Variants in INTS9 observed in about 807,000 individuals in gnomAD.
INTS9 encodes protein related to CPSF subunits of 74 kDa.
A neutral mutation model predicts 79.7 loss-of-function variants in INTS9; 55 were observed. That is an observed-to-expected ratio of 0.69 (90% CI 0.56 to 0.86). The LOEUF is 0.86. Among genes scored for constraint, INTS9 ranks in the 40% least tolerant of loss-of-function variants. The pLI is 0.00. For synonymous variants in INTS9, 319 were observed against 325.2 expected, an observed-to-expected ratio of 0.98 and a Z score of 0.20; for missense variants, 721 against 831.5, an observed-to-expected ratio of 0.87 and a Z score of 1.64.
chr8:28,784,631 C>T (rs529195780), intron 11 of INTS9, among the ~76,000 whole-genome samples: 1 of 152,312 alleles, frequency 6.6e-6, no homozygotes, highest in East Asian at 1.9e-4. Flanking sequence ...AACAAAACAA[C>T]TAAATCCCTA....
chr8:28,872,381 T>G (rs1809143633), intron 1 of INTS9, among the ~76,000 whole-genome samples: 1 of 152,160 alleles, frequency 6.6e-6, no homozygotes, highest in Non-Finnish European at 1.5e-5. Flanking sequence ...TACATAAATG[T>G]TCCAAATGAA....
intron 6 of INTS9, among the ~76,000 whole-genome samples, chr8:28,833,599 G>A (rs1471510054): frequency 4.1e-5 from 6 of 147,796 alleles, no homozygotes; most frequent in African/African-American, 1.5e-4. Context: ...CAGCCTGGGC[G>A]ACAGAGTTAG....
intron 13 of INTS9, among the ~76,000 whole-genome samples, chr8:28,777,089 G>A (rs1802932775): frequency 1.3e-5 from 2 of 152,066 alleles, no homozygotes; most frequent in African/African-American, 4.8e-5. Flanking sequence ...TCTGTTTCCT[G>A]TTCCCCTGCC....
At chr8:28,853,283 T>C (rs1489653966) in intron 2 of INTS9, among the ~76,000 whole-genome samples, 1 of 151,792 alleles carries the variant, frequency 6.6e-6, no homozygotes, top group African/African-American at 2.4e-5. Flanking sequence ...TATGGTGGTG[T>C]GTGCCTATAA....
At chr8:28,822,751 T>C (rs545879475) in intron 6 of INTS9, among the ~76,000 whole-genome samples, 16 of 152,224 alleles carry the variant, frequency 1.1e-4, no homozygotes, top group African/African-American at 1.4e-4. Context: ...GAAGGAAATA[T>C]AATGTTTTCA....
rs753034116 is a variant in INTS9 at position 28,775,914 on chromosome 8, C to G, written c.1408G>C (p.Val470Leu). ...LLKEVQPLHV[V>L]CPEQYTQPPP... ...GGCTGAGTGTACTGCTCAGGACACACCACGTGCAGGGGCTGAGGAACCAAT... is the reference window on the plus strand; with the variant it reads ...GGCTGAGTGTACTGCTCAGGACACAGCACGTGCAGGGGCTGAGGAACCAAT... Residue 470 changes from valine to leucine, a missense_variant, in exon 14 of 17, where the codon GTG becomes CTG. Coordinates refer to ENST00000521022, the MANE Select transcript of INTS9 (RefSeq NM_018250.4). 2 of 1,565,964 alleles carry G rather than the reference C, an allele frequency of 1.3e-6. No individual in the cohort carries two copies. The highest frequency in any genetic ancestry group is 1.7e-6 in the Non-Finnish European group (2 of 1,155,756).
chr8:28,887,426 A>T (rs1563323366), intron 1 of INTS9, among the ~76,000 whole-genome samples: 1 of 152,206 alleles, frequency 6.6e-6, no homozygotes, highest in Non-Finnish European at 1.5e-5. Flanking sequence ...GAGAAATAGA[A>T]CCTATTTAAG....
At chr8:28,869,030 G>A (rs1808924810) in intron 1 of INTS9, among the ~76,000 whole-genome samples, 1 of 151,870 alleles carries the variant, frequency 6.6e-6, no homozygotes, top group Admixed American at 6.6e-5. Flanking sequence ...GGAGGCAGAG[G>A]TTGCAGTGAG....
intron 6 of INTS9, among the ~76,000 whole-genome samples, chr8:28,834,224 CCTGGGTTTCAGCAGTCA>C (rs1436251470): frequency 2.6e-5 from 4 of 152,182 alleles, no homozygotes; most frequent in South Asian, 4.1e-4. Flanking sequence ...TGTCATCTCC[CCTGGGTTTCAGCAGTCA>C]CACTGCTGGT....
chr8:28,881,949 A>C (rs1809858182), intron 1 of INTS9, among the ~76,000 whole-genome samples: 1 of 145,802 alleles, frequency 6.9e-6, no homozygotes, highest in South Asian at 2.2e-4. Context: ...CCCGTCTGGG[A>C]GGTGTGCCCA....
intron 6 of INTS9, among the ~76,000 whole-genome samples, chr8:28,831,800 G>A (rs1806505052): frequency 6.6e-6 from 1 of 152,120 alleles, no homozygotes; most frequent in Non-Finnish European, 1.5e-5. Flanking sequence ...CCAGGTTCAA[G>A]CGACTCTCCT....
At chr8:28,809,282 C>A (rs1804978214) in intron 8 of INTS9, among the ~76,000 whole-genome samples, 1 of 152,110 alleles carries the variant, frequency 6.6e-6, no homozygotes, top group Admixed American at 6.5e-5. Context: ...CAGCCATAAA[C>A]ATTCCATAAA....
Position 28,880,078 on chromosome 8 carries a change from TATA to T in INTS9, c.9+9793_9+9795del, listed in dbSNP as rs1290950739. 3.3e-5 allele frequency among the ~76,000 whole-genome samples: 5 copies of T among 151,830 alleles called. No individual in the cohort carries two copies. The East Asian group carries it at 7.7e-4, about 23-fold the overall frequency. On this transcript the variant is annotated intron_variant, in intron 1 of 16. Transcript: ENST00000521022. The stretch of plus-strand genomic sequence containing the variant: ...TTTAAACAATGTAAAAAAAGGTAAC[TATA>T]ATAATATCATTTACATATTAAAACT...
chr8:28,857,688 A>G (rs1808249760), intron 2 of INTS9, among the ~76,000 whole-genome samples: 1 of 152,206 alleles, frequency 6.6e-6, no homozygotes, highest in South Asian at 2.1e-4. Flanking sequence ...CATTCATACA[A>G]CAAATACTTA....
intron 1 of INTS9, among the ~76,000 whole-genome samples, chr8:28,870,335 G>C (rs1017175220): frequency 1.1e-5 from 1 of 87,994 alleles, no homozygotes. Context: ...TTTTTTTTTA[G>C]AATCAGAAAA....
intron 10 of INTS9, among the ~76,000 whole-genome samples, chr8:28,788,891 G>A (rs529525317): frequency 1.6e-4 from 24 of 152,346 alleles, no homozygotes; most frequent in African/African-American, 5.8e-4. Flanking sequence ...AAAGTTCACA[G>A]TTGATAAATC....
chr8:28,851,624 A>C (rs568033903), intron 2 of INTS9, among the ~76,000 whole-genome samples: 2 of 151,812 alleles, frequency 1.3e-5, no homozygotes, highest in Admixed American at 1.3e-4. Context: ...TTTTTAGTAG[A>C]GATGGGGTTT....
intron 1 of INTS9, among the ~76,000 whole-genome samples, chr8:28,881,822 G>A (rs1409463337): frequency 6.9e-6 from 1 of 143,940 alleles, no homozygotes; most frequent in East Asian, 2.1e-4. Context: ...CCCCGTCCGG[G>A]AGGGTGGTGG....
Position 28,825,062 on chromosome 8 carries a change from A to G in INTS9, c.488+10230T>C, listed in dbSNP as rs1363470454. On this transcript the variant is annotated intron_variant, in intron 6 of 16. Transcript: ENST00000521022. ...AGGGTGATTGACTCTGACGAGCAGC[A>G]ACGATTCTGAACTTGACAGGACTCA... is the stretch of plus-strand genomic sequence containing the variant. Among the ~76,000 whole-genome samples, 4 of 152,198 alleles carry G rather than the reference A, an allele frequency of 2.6e-5. No homozygotes were observed. In the East Asian group the frequency reaches 7.7e-4, roughly 29 times the overall value.
Sources: gnomAD v4.1 joint callset for allele counts (sites outside exome capture counted in the v4.1 genomes callset) on GRCh38, gnomAD v4.1.1 for gene constraint, MANE v1.5 for transcripts, NCBI Gene and HGNC (gene_info 2026-07-23, HGNC 2026-07-21) for gene names.